P2RY14: variants seen among roughly 807,000 people sequenced by gnomAD.
P2RY14 encodes the protein P2Y purinoceptor 14.
P2RY14 carries 2 observed loss-of-function variants against 0.9 expected under a neutral mutation model. The observed-to-expected ratio is 2.16, with a 90% CI of 0.88 to 6.79. The LOEUF (loss-of-function observed/expected upper bound fraction) is 6.79, where lower values mean the gene tolerates loss of function less well. Ranked by LOEUF, P2RY14 falls within the 30% of genes most tolerant of loss-of-function variation. The probability of loss-of-function intolerance (pLI) is 0.05; values close to 1 mark genes in which losing one functional copy is unlikely to be tolerated. For synonymous variants in P2RY14, 158 were observed against 147.2 expected (o/e 1.07, Z -0.53); for missense variants, 378 against 400.1 (o/e 0.94, Z 0.47).
At chr3:151,229,309 T>C (rs1197610781) in intron 1 of P2RY14, among the ~76,000 whole-genome samples, 3 of 144,888 alleles carry the variant, frequency 2.1e-5, no homozygotes, top group African/African-American at 7.7e-5. Context: ...GCAATTCTTT[T>C]TTTTTTTTTT....
chr3:151,261,650 A>C (rs1738903007), intron 1 of P2RY14, among the ~76,000 whole-genome samples: 1 of 151,862 alleles, frequency 6.6e-6, no homozygotes, highest in African/African-American at 2.4e-5. Context: ...CCATTCCTGA[A>C]ACTCAGCCTC....
At chr3:151,274,479 G>C (rs533435939) in intron 1 of P2RY14, among the ~76,000 whole-genome samples, 10 of 152,222 alleles carry the variant, frequency 6.6e-5, no homozygotes, top group Non-Finnish European at 1.0e-4. Flanking sequence ...CAGAAACATA[G>C]GTAGGCAGTT....
intron 1 of P2RY14, among the ~76,000 whole-genome samples, chr3:151,230,570 C>CTTTTTTTTTT (rs368433695): frequency 7.2e-6 from 1 of 139,458 alleles, no homozygotes; most frequent in African/African-American, 2.6e-5. Flanking sequence ...TTACTCCACG[C>CTTTTTTTTTT]TTTTTTTTTT....
At chr3:151,266,876 A>G (rs544508957) in intron 1 of P2RY14, among the ~76,000 whole-genome samples, 1 of 152,322 alleles carries the variant, frequency 6.6e-6, no homozygotes, top group East Asian at 1.9e-4. Context: ...CATGCCCAGC[A>G]TGTTGTAGGA....
intron 1 of P2RY14, among the ~76,000 whole-genome samples, chr3:151,229,473 A>AT (rs59434401): frequency 0.23 from 21,023 of 89,874 alleles, 2,680 homozygotes; most frequent in Non-Finnish European, 0.3. Flanking sequence ...TGCCCGGCTA[A>AT]TTTTTTTTTT....
intron 1 of P2RY14, among the ~76,000 whole-genome samples, chr3:151,275,827 G>A (rs1256863317): frequency 6.6e-6 from 1 of 152,110 alleles, no homozygotes; most frequent in East Asian, 1.9e-4. Flanking sequence ...CATTAAGATA[G>A]GATATTTTTA....
intron 1 of P2RY14, among the ~76,000 whole-genome samples, chr3:151,224,689 A>G (rs1051744112): frequency 6.6e-5 from 10 of 152,134 alleles, no homozygotes; most frequent in African/African-American, 2.4e-4. Flanking sequence ...ATCTTTTGTC[A>G]TCACCCAGAG....
At chr3:151,262,053 G>A (rs759799500) in intron 1 of P2RY14, among the ~76,000 whole-genome samples, 6 of 152,150 alleles carry the variant, frequency 3.9e-5, no homozygotes, top group Non-Finnish European at 5.9e-5. Context: ...TAACAAACAT[G>A]TTAAAGTTTG....
chr3:151,238,868 T>C (rs1333789174), intron 1 of P2RY14, among the ~76,000 whole-genome samples: 1 of 152,262 alleles, frequency 6.6e-6, no homozygotes, highest in Non-Finnish European at 1.5e-5. Flanking sequence ...AATTGAGTTA[T>C]AAGCTGAATT....
At chr3:151,272,735 G>A (rs1559966845) in intron 1 of P2RY14, among the ~76,000 whole-genome samples, 1 of 152,128 alleles carries the variant, frequency 6.6e-6, no homozygotes. Flanking sequence ...GAAGTGTGGA[G>A]TTGTAGATTT....
chr3:151,250,953 GTTCT>G (rs1452575235), intron 1 of P2RY14, among the ~76,000 whole-genome samples: 2 of 152,144 alleles, frequency 1.3e-5, no homozygotes, highest in Admixed American at 1.3e-4. Context: ...TGTTGTGTTT[GTTCT>G]TTCTTTCTAG....
intron 1 of P2RY14, among the ~76,000 whole-genome samples, chr3:151,242,259 G>T (rs973111264): frequency 1.3e-5 from 2 of 152,252 alleles, no homozygotes; most frequent in East Asian, 3.8e-4. Flanking sequence ...GCTCAAACTG[G>T]GCGGAGCCCA....
At chr3:151,214,483 T>A (rs1727801951) in intron 2 of P2RY14, 143 bp from the exon 3 acceptor site, 3 of 561,070 alleles carry the variant, frequency 5.3e-6, no homozygotes, top group Non-Finnish European at 9.4e-6. Flanking sequence ...AGTTAGACAC[T>A]CATCCCTCCC....
intron 1 of P2RY14, chr3:151,270,078 AGAT>A: frequency 4.5e-6 from 1 of 223,092 alleles, no homozygotes. Context: ...AAGATGAAGA[AGAT>A]GAAGATGATG....
chr3:151,260,078 T>C (rs1351859283), intron 1 of P2RY14, among the ~76,000 whole-genome samples: 2 of 152,160 alleles, frequency 1.3e-5, no homozygotes, highest in African/African-American at 2.4e-5. Flanking sequence ...GCTGGGGATA[T>C]GGTGATGGGT....
intron 1 of P2RY14, among the ~76,000 whole-genome samples, chr3:151,255,323 C>G (rs1052986314): frequency 7.2e-5 from 11 of 151,900 alleles, no homozygotes; most frequent in African/African-American, 2.7e-4. Context: ...TGCAGTGTGA[C>G]TTAAATATCT....
intron 1 of P2RY14, among the ~76,000 whole-genome samples, chr3:151,277,100 C>A (rs6796501): frequency 6.6e-6 from 1 of 151,598 alleles, no homozygotes; most frequent in South Asian, 2.1e-4. Context: ...GGTTTTACCA[C>A]GTTGGCCAGG....
At chr3:151,248,350 T>A (rs1347954586) in intron 1 of P2RY14, among the ~76,000 whole-genome samples, 1 of 152,184 alleles carries the variant, frequency 6.6e-6, no homozygotes, top group African/African-American at 2.4e-5. Flanking sequence ...AGAGAAGACA[T>A]CACAGCTGCC....
At chr3:151,268,128 A>G (rs1740191939) in intron 1 of P2RY14, among the ~76,000 whole-genome samples, 1 of 152,142 alleles carries the variant, frequency 6.6e-6, no homozygotes, top group African/African-American at 2.4e-5. Flanking sequence ...TTTTCAGCTT[A>G]CATGTTTTCA....
Sources: allele counts gnomAD v4.1 joint callset (sites outside exome capture counted in the v4.1 genomes callset), GRCh38; gene constraint gnomAD v4.1.1; transcripts MANE v1.5; gene names NCBI Gene and HGNC (gene_info 2026-07-23, HGNC 2026-07-21).